Variants in ATP6V0A1 observed in about 807,000 individuals in gnomAD.
ATP6V0A1 encodes the protein ATPase H+ transporting V0 subunit a1, also known as V-type proton ATPase 116 kDa subunit a 1.
ATP6V0A1 carries 43 observed loss-of-function variants against 105.4 expected under a neutral mutation model. That is an observed-to-expected ratio of 0.41 (90% CI 0.32 to 0.53). The LOEUF (loss-of-function observed/expected upper bound fraction) is 0.53. Ranked by LOEUF, ATP6V0A1 falls within the 20% of genes least tolerant of loss-of-function variation. The probability of loss-of-function intolerance (pLI) is 0.30; values close to 1 mark genes in which losing one functional copy is unlikely to be tolerated. For missense variants in ATP6V0A1, 676 were observed against 1,051.1 expected, an observed-to-expected ratio of 0.64 and a Z score of 4.93; for synonymous variants, 362 against 372.8, an observed-to-expected ratio of 0.97 and a Z score of 0.33.
chr17:42,514,576 C>A, intron 21 of ATP6V0A1, 116 bp downstream of exon 21: 1 of 1,114,198 alleles, frequency 9.0e-7, no homozygotes, highest in East Asian at 2.7e-5. Context: ...GATGAGCTGG[C>A]CCTGCACTAG....
rs2091620823 is a variant in ATP6V0A1, at chr17:42,500,979, GA to G, written c.1896+57del. The G allele has an allele frequency of 9.7e-6, 15 of 1,550,922 alleles. No individual in the cohort carries two copies. The South Asian group carries it at 1.6e-4, about 16-fold the overall frequency. On this transcript the variant is annotated intron_variant, in intron 16 of 21. Transcript: ENST00000343619. ...ATGATTATACTTGATCAGGAAGCCA[GA>G]TGTTTCTCTGACCCTAAAAAATTTA...
intron 14 of ATP6V0A1, among the ~76,000 whole-genome samples, chr17:42,497,256 C>T (rs535931743): frequency 2.3e-4 from 32 of 139,766 alleles, no homozygotes; most frequent in Admixed American, 1.7e-3. Context: ...GCCAAGATCA[C>T]GTAACTGCAC....
In ATP6V0A1 at chr17:42,517,308, A is replaced by C. The variant is rs181863436; in HGVS notation, c.2420+2848A>C. Among the ~76,000 whole-genome samples, 441 of 148,916 alleles carry C rather than the reference A, an allele frequency of 3.0e-3. 1 individual carries two copies. The highest frequency in any genetic ancestry group is 0.01 in the Middle Eastern group (3 of 294). On this transcript the variant is annotated intron_variant, in intron 21 of 21. Transcript: ENST00000343619. ...ACAACAACAACAACAACAACAACAAAAAAACCTGGGATGCCCTAGAGAGAG... is the reference window on the plus strand; with the variant it reads ...ACAACAACAACAACAACAACAACAACAAAACCTGGGATGCCCTAGAGAGAG...
intron 21 of ATP6V0A1, among the ~76,000 whole-genome samples, chr17:42,517,652 C>T (rs970026733): frequency 3.3e-5 from 5 of 152,168 alleles, no homozygotes; most frequent in Non-Finnish European, 5.9e-5. Context: ...TGGCAAAATG[C>T]GGCTGTGCGT....
chr17:42,514,022 T>C (rs1343398038), intron 20 of ATP6V0A1, 44 bp downstream of exon 20: 12 of 1,572,654 alleles, frequency 7.6e-6, no homozygotes, highest in Non-Finnish European at 1.0e-5. Context: ...TTTCCCCCTC[T>C]GTGGGCGCAC....
rs1256729332 is a variant in ATP6V0A1 at position 42,521,712 on chromosome 17, G to A, written c.*592G>A. 1 of 152,490 alleles carries A rather than the reference G, an allele frequency of 6.6e-6. No homozygotes were observed. Among genetic ancestry groups the A allele is most frequent in the African/African-American group, 2.4e-5 (1 of 41,376 alleles). 9.4% of individuals were successfully genotyped at this position (152,490 alleles called of 1,614,324 possible). ...TGGCTTCTCCCTGTCATCCCCAGGG[G>A]TCATAGGATATCTACACCGCCTTTC... On this transcript the variant is annotated 3_prime_UTR_variant, in exon 22 of 22. Coordinates refer to ENST00000343619, the MANE Select transcript of ATP6V0A1 (RefSeq NM_001130021.3). The surrounding 1 kb of genome is among the most constrained non-coding windows in gnomAD (Gnocchi z 4.8).
At chr17:42,472,227 T>C (rs1313941213) in intron 5 of ATP6V0A1, among the ~76,000 whole-genome samples, 1 of 151,634 alleles carries the variant, frequency 6.6e-6, no homozygotes, top group Admixed American at 6.6e-5. Context: ...CTAATTTTTG[T>C]ATTTTCAGTA....
At position 42,495,362 on chromosome 17, in the gene ATP6V0A1, A is replaced by G. The variant is rs369872027; in HGVS notation, c.1469+174A>G. Among the ~76,000 whole-genome samples the G allele has an allele frequency of 2.6e-5, 4 of 152,064 alleles. No homozygotes were observed. In the East Asian group the frequency reaches 5.8e-4, roughly 22 times the overall value. Reference sequence around the variant, plus strand: ...GTTCAGCAAGTATCCAGGAACTAAGATTAGAAATGATTTTTTTTTTTTTTG... The same window carrying G: ...GTTCAGCAAGTATCCAGGAACTAAGGTTAGAAATGATTTTTTTTTTTTTTG... On this transcript the variant is annotated intron_variant, in intron 13 of 21. Coordinates refer to ENST00000343619, the MANE Select transcript of ATP6V0A1 (RefSeq NM_001130021.3).
chr17:42,513,823 T>G, intron 19 of ATP6V0A1, 38 bp from the exon 20 acceptor site: 1 of 1,587,354 alleles, frequency 6.3e-7, no homozygotes, highest in East Asian at 2.2e-5. Flanking sequence ...GTTCCCCTCC[T>G]AGCCTTATAT....
At chr17:42,509,163 G>A (rs952471882) in intron 19 of ATP6V0A1, among the ~76,000 whole-genome samples, 6 of 151,984 alleles carry the variant, frequency 3.9e-5, no homozygotes, top group Non-Finnish European at 8.8e-5. Flanking sequence ...AGGAGGCTTT[G>A]CCTTCCAGAT....
chr17:42,494,358 C>G lies in ATP6V0A1; in HGVS notation c.1199C>G (p.Pro400Arg). 6.2e-7 allele frequency: 1 copy of G among 1,613,382 alleles called. No individual in the cohort carries two copies. Among genetic ancestry groups the G allele is most frequent in the Non-Finnish European group, 8.5e-7 (1 of 1,179,574 alleles). The change falls in exon 12 of 22, where the codon CCT becomes CGT. Residue 400 changes from proline (P) to arginine (R), a missense_variant. By Grantham distance (103) the Pro-to-Arg change is moderately radical. Around this residue, in one of 3 missense-constraint regions of ATP6V0A1, gnomAD observed 435 missense variants for 642.2 expected, o/e 0.68. Coordinates refer to ENST00000343619, the MANE Select transcript of ATP6V0A1 (RefSeq NM_001130021.3). ...NPAPYTIITF[P>R]FLFAVMFGDF... is the part of the protein sequence containing the mutation. The stretch of plus-strand genomic sequence containing the variant: ...GCTCCGTATACTATTATCACGTTCC[C>G]TTTTCTATTTGCTGTGATGTTTGGA...
At chr17:42,500,074 C>CA (rs199733869) in intron 15 of ATP6V0A1, among the ~76,000 whole-genome samples, 6,259 of 60,992 alleles carry the variant, frequency 0.1, 524 homozygotes, top group African/African-American at 0.25. Flanking sequence ...CCCATCTCTA[C>CA]AAAAAAAAAA....
chr17:42,485,763 C>T (rs1390234032), intron 9 of ATP6V0A1, among the ~76,000 whole-genome samples: 2 of 152,056 alleles, frequency 1.3e-5, no homozygotes, highest in Non-Finnish European at 2.9e-5. Flanking sequence ...CACTATGTTG[C>T]CCAAACTGGT....
In ATP6V0A1 at chr17:42,468,111, A is replaced by G; in HGVS notation, c.294+4A>G. On this transcript the variant is annotated splice_donor_region_variant and intron_variant, in intron 4 of 21. Transcript: ENST00000343619. ...CCGGGACATGATTGACTTAGAGGTAAACACTTCTGGGAAAACCAGAAAAGT... is the reference window on the plus strand; with the variant it reads ...CCGGGACATGATTGACTTAGAGGTAGACACTTCTGGGAAAACCAGAAAAGT... 6.4e-7 allele frequency: 1 copy of G among 1,570,426 alleles called. No homozygotes were observed. Among genetic ancestry groups the G allele is most frequent in the Non-Finnish European group, 8.7e-7 (1 of 1,154,956 alleles).
chr17:42,508,581 G>A lies in ATP6V0A1; in HGVS notation c.2122G>A (p.Asp708Asn), dbSNP rs1567864673. 1.9e-6 allele frequency: 3 copies of A among 1,613,978 alleles called. No individual in the cohort carries two copies. The highest frequency in any genetic ancestry group is 2.2e-5 in the East Asian group (1 of 44,880). The change falls in exon 19 of 22, where the codon GAC becomes AAC. Residue 708 changes from aspartate to asparagine, a missense_variant. Asp to Asn is a conservative substitution (Grantham distance 23, BLOSUM62 1). This residue lies in a region of ATP6V0A1 where 435 missense variants were observed against 642.2 expected (regional missense o/e 0.68). Coordinates refer to ENST00000343619, the MANE Select transcript of ATP6V0A1 (RefSeq NM_001130021.3). ...AATTTGTGTTTTCAAGCCTTCCGAG[G>A]ACGAAGTGGTAAGATGAAAGCTGGC... The part of the protein sequence containing the change: ...HSEDADEPSE[D>N]EVFDFGDTMV...
At chr17:42,502,609 T>A (rs1390486993) in intron 17 of ATP6V0A1, among the ~76,000 whole-genome samples, 1 of 152,122 alleles carries the variant, frequency 6.6e-6, no homozygotes, top group Non-Finnish European at 1.5e-5. Context: ...CAAACGATCT[T>A]GTTGCATGAC....
Position 42,483,107 on chromosome 17 carries a change from T to C in ATP6V0A1, c.786T>C (p.Asn262=). 1 of 1,549,646 alleles carries C rather than the reference T, an allele frequency of 6.5e-7. No homozygotes were observed. Among genetic ancestry groups the C allele is most frequent in the Non-Finnish European group, 8.7e-7 (1 of 1,143,486 alleles). ...QERKEMASGV[N]TRIDDLQMVL... Reference sequence around the variant, plus strand: ...GGAAGGAAATGGCTTCTGGAGTGAATACCAGGATTGATGATCTCCAAATGG... The same window carrying C: ...GGAAGGAAATGGCTTCTGGAGTGAACACCAGGATTGATGATCTCCAAATGG... The change falls in exon 9 of 22, where the codon AAT becomes AAC. Residue 262 remains asparagine (N), a synonymous_variant. Coordinates refer to ENST00000343619, the MANE Select transcript of ATP6V0A1 (RefSeq NM_001130021.3).
intron 19 of ATP6V0A1, among the ~76,000 whole-genome samples, chr17:42,512,148 C>T (rs1025728249): frequency 2.0e-5 from 3 of 152,216 alleles, no homozygotes; most frequent in South Asian, 2.1e-4. Context: ...TTGATACGGG[C>T]GTGTGCTGAG....
chr17:42,515,894 AGTCT>A (rs2092603451), intron 21 of ATP6V0A1, among the ~76,000 whole-genome samples: 1 of 152,184 alleles, frequency 6.6e-6, no homozygotes, highest in Admixed American at 6.5e-5. Flanking sequence ...AAACTGGGGC[AGTCT>A]GTATTTTCTG....
Sources: gnomAD v4.1 joint callset for allele counts (sites outside exome capture counted in the v4.1 genomes callset) on GRCh38, gnomAD v4.1.1 for gene constraint, gnomAD v4.1.1 regional missense constraint, Gnocchi (gnomAD v3.1) non-coding constraint, MANE v1.5 for transcripts, NCBI Gene and HGNC (gene_info 2026-07-23, HGNC 2026-07-21) for gene names.